Variants in DNAH14 observed in about 807,000 individuals in gnomAD.
The protein encoded by DNAH14 is dynein axonemal heavy chain 14, also known as axonemal beta dynein heavy chain 14.
In DNAH14, 478 loss-of-function variants were observed where a neutral mutation model predicts 520.9. The ratio of observed to expected loss-of-function variants is 0.92; its 90% CI spans 0.85 to 0.99. The LOEUF (loss-of-function observed/expected upper bound fraction) is 0.99. DNAH14 is among the 50% of genes least tolerant of loss of function. DNAH14 has a pLI of 0.00. For missense variants in DNAH14, 4,831 were observed against 5,234.5 expected (o/e 0.92, Z 2.38); for synonymous variants, 1,581 against 1,757.2 (o/e 0.90, Z 2.51).
At position 225,374,264 on chromosome 1, in the gene DNAH14, A is replaced by ATTTTTTT. The variant is rs1314928550; in HGVS notation, c.12319-423_12319-422insTTTTTTT. Among the ~76,000 whole-genome samples the ATTTTTTT allele has an allele frequency of 1.2e-4, 8 of 66,412 alleles. 1 individual carries two copies. Among genetic ancestry groups the ATTTTTTT allele is most frequent in the African/African-American group, 3.8e-4 (8 of 21,118 alleles). 43.6% of individuals were successfully genotyped at this position (66,412 alleles called of 152,430 possible). A position where few individuals can be genotyped will look rare whatever the true frequency, so the allele number is the denominator to read the frequency against. On this transcript the variant is annotated intron_variant, in intron 77 of 85. Coordinates refer to ENST00000682510, the MANE Select transcript of DNAH14 (RefSeq NM_001367479.1). Reference sequence around the variant, plus strand: ...TATATTTGTCTATATATATATATATATATATATTTTTTTTTGAGATAGAGT... The same window carrying ATTTTTTT: ...TATATTTGTCTATATATATATATATATTTTTTTTATATATTTTTTTTTGAGATAGAGT...
intron 71 of DNAH14, among the ~76,000 whole-genome samples, chr1:225,346,989 T>C (rs2095295312): frequency 6.6e-6 from 1 of 152,194 alleles, no homozygotes; most frequent in South Asian, 2.1e-4. Flanking sequence ...GAAAACCTGG[T>C]TGAAAATTTG....
At chr1:224,966,786 A>G (rs1403868591) in intron 5 of DNAH14, among the ~76,000 whole-genome samples, 2 of 152,174 alleles carry the variant, frequency 1.3e-5, no homozygotes, top group Non-Finnish European at 2.9e-5. Context: ...TCTTGGGCTC[A>G]AGTGACCTCA....
chr1:225,385,366 A>G (rs2095829034), intron 81 of DNAH14, among the ~76,000 whole-genome samples: 1 of 152,194 alleles, frequency 6.6e-6, no homozygotes, highest in Non-Finnish European at 1.5e-5. Context: ...ATAGTTTTGG[A>G]AGTTTTGGCC....
At chr1:225,363,059 A>G (rs2095511270) in intron 75 of DNAH14, among the ~76,000 whole-genome samples, 1 of 151,976 alleles carries the variant, frequency 6.6e-6, no homozygotes, top group African/African-American at 2.4e-5. Context: ...CAAATTTTTT[A>G]AAAATAATTT....
chr1:225,327,328 A>ATT (rs34003131), intron 64 of DNAH14, among the ~76,000 whole-genome samples: 1 of 150,692 alleles, frequency 6.6e-6, no homozygotes, highest in Non-Finnish European at 1.5e-5. Context: ...CGGCTAATTT[A>ATT]TTTTTTTTAT....
chr1:225,020,975 G>C (rs989057357), intron 10 of DNAH14, among the ~76,000 whole-genome samples: 6 of 152,164 alleles, frequency 3.9e-5, no homozygotes, highest in African/African-American at 2.4e-5. Flanking sequence ...CCATGGAGAA[G>C]TAGGAAGGTT....
Position 225,117,805 on chromosome 1 carries a change from C to T in DNAH14, c.3972+17C>T, listed in dbSNP as rs1277791565. On this transcript the variant is annotated intron_variant, in intron 24 of 85. Transcript: ENST00000682510. ...TCTGTACAGGTAATAACATCTTTCT[C>T]TGCTCAGCAATATTATATTAGCGAT... 2.0e-6 allele frequency: 3 copies of T among 1,533,234 alleles called. No homozygotes were observed. Among genetic ancestry groups the T allele is most frequent in the Non-Finnish European group, 1.8e-6 (2 of 1,131,522 alleles). 95.0% of individuals were successfully genotyped at this position (1,533,234 alleles called of 1,614,324 possible).
chr1:225,206,071 A>C lies in DNAH14; in HGVS notation c.6078A>C (p.Ala2026=). ...VLDDTRTLCL[A]NSERIALTNK... is the part of the protein sequence containing the mutation. ...ATGATACTAGAACATTGTGCCTAGC[A>C]AACAGTGAGAGAATAGCTTTAACTA... The change falls in exon 40 of 86, where the codon GCA becomes GCC. Residue 2026 remains alanine, a synonymous_variant. Transcript: ENST00000682510. 2.1e-5 allele frequency: 33 copies of C among 1,551,620 alleles called. No individual in the cohort carries two copies. Among genetic ancestry groups the C allele is most frequent in the Non-Finnish European group, 2.8e-5 (32 of 1,146,878 alleles).
rs144804464 is a variant in DNAH14 at position 225,352,913 on chromosome 1, G to A, written c.11534-890G>A. ...AGTCATTATCTTTTTATTTTGTTGC[G>A]TTTATCACTAATATATTTGGGACCC... On this transcript the variant is annotated intron_variant, in intron 72 of 85. Coordinates refer to ENST00000682510, the MANE Select transcript of DNAH14 (RefSeq NM_001367479.1). Among the ~76,000 whole-genome samples the A allele has an allele frequency of 6.2e-3, 940 of 151,722 alleles. 34 individuals are homozygous for A. The highest frequency in any genetic ancestry group is 0.051 in the Admixed American group (769 of 15,214).
intron 17 of DNAH14, among the ~76,000 whole-genome samples, chr1:225,068,153 A>G (rs180855809): frequency 1.8e-4 from 27 of 152,184 alleles, no homozygotes; most frequent in African/African-American, 6.3e-4. Flanking sequence ...TTCAATTTCA[A>G]TCTTCAGCAT....
At chr1:225,199,047 T>G (rs374158385) in intron 38 of DNAH14, among the ~76,000 whole-genome samples, 3 of 152,292 alleles carry the variant, frequency 2.0e-5, no homozygotes, top group East Asian at 3.9e-4. Context: ...ACAGGGTATC[T>G]AATTCTTCCT....
intron 12 of DNAH14, among the ~76,000 whole-genome samples, chr1:225,040,106 AT>A (rs1195133011): frequency 6.6e-6 from 1 of 150,618 alleles, no homozygotes; most frequent in African/African-American, 2.4e-5. Context: ...CCCAGCTAAT[AT>A]TTTTTGTATT....
chr1:224,998,445 A>G (rs187818131), intron 8 of DNAH14, among the ~76,000 whole-genome samples: 383 of 152,262 alleles, frequency 2.5e-3, no homozygotes, highest in African/African-American at 8.9e-3. Flanking sequence ...TTGGCTGTAT[A>G]CCACATATTT....
intron 1 of DNAH14, among the ~76,000 whole-genome samples, chr1:224,934,870 T>A (rs1035337303): frequency 6.6e-6 from 1 of 151,792 alleles, no homozygotes; most frequent in African/African-American, 2.4e-5. Context: ...ATGAATGATA[T>A]ATTCAAAATG....
rs377229904 is a variant in DNAH14 at position 225,185,087 on chromosome 1, A to G, written c.5536-204A>G. 3.3e-5 allele frequency among the ~76,000 whole-genome samples: 5 copies of G among 152,222 alleles called. No individual in the cohort carries two copies. The East Asian group carries it at 7.7e-4, about 24-fold the overall frequency. ...TAAATCTGGTAAACAACTTCAGCAA[A>G]GTTTCAGGACACAAAATCAATGTAA... is the stretch of plus-strand genomic sequence containing the variant. On this transcript the variant is annotated intron_variant, in intron 36 of 85. Transcript: ENST00000682510.
intron 27 of DNAH14, 83 bp from the exon 28 acceptor site, chr1:225,140,675 ATGAAAACATC>A: frequency 1.9e-6 from 2 of 1,051,034 alleles, no homozygotes; most frequent in Non-Finnish European, 2.7e-6. Context: ...CATAAACTTT[ATGAAAACATC>A]CATTTTAATT....
chr1:224,970,669 C>A (rs1041153717), intron 7 of DNAH14, among the ~76,000 whole-genome samples: 6 of 152,074 alleles, frequency 3.9e-5, no homozygotes, highest in African/African-American at 1.4e-4. Flanking sequence ...AAAGAACCTA[C>A]GTGAAATATT....
chr1:224,961,997 C>A (rs1023683068), intron 4 of DNAH14, among the ~76,000 whole-genome samples: 3 of 151,952 alleles, frequency 2.0e-5, no homozygotes. Context: ...TGATAAAGAC[C>A]TAAGTGGCAT....
chr1:225,308,698 A>G (rs967480754), intron 60 of DNAH14, among the ~76,000 whole-genome samples: 1 of 152,252 alleles, frequency 6.6e-6, no homozygotes. Flanking sequence ...CCATACCAAA[A>G]GCACGTTTGG....
Sources: gnomAD v4.1 joint callset for allele counts (sites outside exome capture counted in the v4.1 genomes callset) on GRCh38, gnomAD v4.1.1 for gene constraint, MANE v1.5 for transcripts, NCBI Gene and HGNC (gene_info 2026-07-23, HGNC 2026-07-21) for gene names.